SDK1: variants seen among roughly 807,000 people sequenced by gnomAD.
SDK1 encodes sidekick cell adhesion molecule 1, also known as protein sidekick-1.
Under a neutral mutation model 245.5 loss-of-function variants are expected in SDK1, and 157 were observed. The observed-to-expected ratio is 0.64, with a 90% CI of 0.56 to 0.73. The LOEUF is 0.73. Among genes scored for constraint, SDK1 ranks in the 30% least tolerant of loss-of-function variants. SDK1 has a pLI of 0.00. For missense variants in SDK1, 3,583 were observed against 3,002.3 expected, an observed-to-expected ratio of 1.19 and a Z score of -4.52; for synonymous variants, 1,647 against 1,278.5, an observed-to-expected ratio of 1.29 and a Z score of -6.15.
At chr7:3,537,355 G>T (rs1359635750) in intron 1 of SDK1, among the ~76,000 whole-genome samples, 1 of 152,168 alleles carries the variant, frequency 6.6e-6, no homozygotes, top group African/African-American at 2.4e-5. Context: ...GCTGGGAAGT[G>T]CTAGAGCCAG....
At chr7:4,172,178 G>T (rs1781885351) in intron 32 of SDK1, among the ~76,000 whole-genome samples, 3 of 152,226 alleles carry the variant, frequency 2.0e-5, no homozygotes, top group Non-Finnish European at 2.9e-5. Context: ...AGCATCACAG[G>T]GGTGTCAGAA....
intron 31 of SDK1, among the ~76,000 whole-genome samples, chr7:4,161,567 C>T (rs1781123825): frequency 6.6e-6 from 1 of 152,158 alleles, no homozygotes; most frequent in Non-Finnish European, 1.5e-5. Flanking sequence ...GGGTCTGTTT[C>T]TCGGGGCCAT....
At chr7:3,866,043 G>T (rs537624818) in intron 5 of SDK1, among the ~76,000 whole-genome samples, 1 of 152,302 alleles carries the variant, frequency 6.6e-6, no homozygotes, top group Non-Finnish European at 1.5e-5. Flanking sequence ...GGAAAAGGAG[G>T]CAGAGTGACA....
Position 4,267,197 on chromosome 7 carries a change from C to G in SDK1, c.*1813C>G, listed in dbSNP as rs1459104383. 6.3e-6 allele frequency: 6 copies of G among 952,780 alleles called. No individual in the cohort carries two copies. The highest frequency in any genetic ancestry group is 7.5e-6 in the Non-Finnish European group (6 of 800,450). The allele number at this position is 952,780 out of a possible 1,614,324, so 59.0% of individuals were successfully genotyped here. On this transcript the variant is annotated 3_prime_UTR_variant, in exon 45 of 45. Coordinates refer to ENST00000404826, the MANE Select transcript of SDK1 (RefSeq NM_152744.4). ...TCTCCTCCCTTCCTTCCCCTCCTTC[C>G]TTTCCTTTACCCCTCCTTTCCTTCC...
intron 1 of SDK1, among the ~76,000 whole-genome samples, chr7:3,487,996 A>G (rs910022395): frequency 2.0e-5 from 3 of 152,082 alleles, no homozygotes; most frequent in African/African-American, 7.2e-5. Context: ...GCTTACTCCT[A>G]CTTTTGCAAT....
intron 4 of SDK1, among the ~76,000 whole-genome samples, chr7:3,697,835 T>A (rs1186503087): frequency 6.6e-6 from 1 of 152,216 alleles, no homozygotes; most frequent in Admixed American, 6.5e-5. Flanking sequence ...AAAAGAGGCC[T>A]CTTAACTCGC....
At chr7:3,695,594 G>T (rs941529937) in intron 4 of SDK1, among the ~76,000 whole-genome samples, 1 of 152,112 alleles carries the variant, frequency 6.6e-6, no homozygotes, top group African/African-American at 2.4e-5. Context: ...TATATTGGAG[G>T]TACCATACTT....
At chr7:3,336,304 G>A (rs1583700632) in intron 1 of SDK1, among the ~76,000 whole-genome samples, 1 of 152,314 alleles carries the variant, frequency 6.6e-6, no homozygotes, top group East Asian at 1.9e-4. Context: ...GAAGCAGGTG[G>A]TACTTCAATT....
At chr7:3,922,808 G>A (rs1363588130) in intron 5 of SDK1, among the ~76,000 whole-genome samples, 1 of 152,122 alleles carries the variant, frequency 6.6e-6, no homozygotes, top group Non-Finnish European at 1.5e-5. Context: ...TCCAAGTCGG[G>A]GAAGTTTTTC....
chr7:4,170,153 G>A (rs959387680), intron 32 of SDK1, among the ~76,000 whole-genome samples: 1 of 152,280 alleles, frequency 6.6e-6, no homozygotes, highest in African/African-American at 2.4e-5. Flanking sequence ...ACAGAATAAG[G>A]GTTTTAATTT....
intron 5 of SDK1, among the ~76,000 whole-genome samples, chr7:3,828,557 G>T (rs1474503153): frequency 1.3e-5 from 2 of 150,566 alleles, no homozygotes; most frequent in East Asian, 1.9e-4. Context: ...AATAATAATT[G>T]TAACAATAAC....
intron 4 of SDK1, among the ~76,000 whole-genome samples, chr7:3,777,298 TTG>T (rs770205959): frequency 6.6e-6 from 1 of 152,230 alleles, no homozygotes; most frequent in Non-Finnish European, 1.5e-5. Context: ...TTTGCCCTTA[TTG>T]GCATCCTGTT....
intron 4 of SDK1, among the ~76,000 whole-genome samples, chr7:3,657,427 G>A (rs955174394): frequency 6.6e-6 from 1 of 152,156 alleles, no homozygotes; most frequent in African/African-American, 2.4e-5. Flanking sequence ...AAGAGGGTGA[G>A]GAGCGTCACT....
intron 1 of SDK1, among the ~76,000 whole-genome samples, chr7:3,321,545 G>GT (rs1216887628): frequency 6.6e-6 from 1 of 152,058 alleles, no homozygotes; most frequent in Admixed American, 6.5e-5. Context: ...GACAAGTTGT[G>GT]TTTTTTTCCC....
rs561728179 is a variant in SDK1 at position 4,259,555 on chromosome 7, A to G, written c.6382-5569A>G. On this transcript the variant is annotated intron_variant, in intron 44 of 44. Transcript: ENST00000404826. ...TTTCTCAAGTTTGGGAGTACATCAT[A>G]TATTAGGGAACTGCTCCAGTAGGGC... 1.3e-4 allele frequency among the ~76,000 whole-genome samples: 20 copies of G among 152,314 alleles called. No homozygotes were observed. The South Asian group carries it at 3.7e-3, about 28-fold the overall frequency.
chr7:3,749,158 A>G (rs373548091), intron 4 of SDK1, among the ~76,000 whole-genome samples: 1 of 152,094 alleles, frequency 6.6e-6, no homozygotes, highest in African/African-American at 2.4e-5. Flanking sequence ...TTCTTTTGAG[A>G]GGGAGTCTCG....
chr7:4,220,217 C>T lies in SDK1; in HGVS notation c.5648C>T (p.Thr1883Ile). The T allele has an allele frequency of 6.2e-7, 1 of 1,614,024 alleles. No homozygotes were observed. The highest frequency in any genetic ancestry group is 8.5e-7 in the Non-Finnish European group (1 of 1,180,026). The change falls in exon 39 of 45, where the codon ACC (threonine) becomes ATC (isoleucine). Residue 1883 changes from threonine (T) to isoleucine (I), a missense_variant. Coordinates refer to ENST00000404826, the MANE Select transcript of SDK1 (RefSeq NM_152744.4). ...TATTTCTTCCGTGTCCAAGCGCGGA[C>T]CATCACCTACGGGCCCGAGCTCCAA... is the stretch of plus-strand genomic sequence containing the variant. ...VTYFFRVQAR[T>I]ITYGPELQAN...
intron 28 of SDK1, among the ~76,000 whole-genome samples, chr7:4,136,806 C>T (rs552763171): frequency 7.2e-5 from 11 of 152,342 alleles, no homozygotes; most frequent in South Asian, 6.2e-4. Flanking sequence ...GAAGGGTGTG[C>T]GGGAACTCTG....
intron 1 of SDK1, among the ~76,000 whole-genome samples, chr7:3,366,322 A>G (rs764217261): frequency 2.0e-5 from 3 of 151,662 alleles, no homozygotes; most frequent in Non-Finnish European, 2.9e-5. Flanking sequence ...TACACAATGT[A>G]GTAGTCTATG....
Sources: gnomAD v4.1 joint callset for allele counts (sites outside exome capture counted in the v4.1 genomes callset) on GRCh38, gnomAD v4.1.1 for gene constraint, MANE v1.5 for transcripts, NCBI Gene and HGNC (gene_info 2026-07-23, HGNC 2026-07-21) for gene names.